Variants in NELL1 observed in about 807,000 individuals in gnomAD.
NELL1 encodes protein kinase C-binding protein NELL1.
A neutral mutation model predicts 107.4 loss-of-function variants in NELL1; 76 were observed. That is an observed-to-expected ratio of 0.71 (90% confidence interval 0.59 to 0.86). The LOEUF is 0.86. Among genes scored for constraint, NELL1 ranks in the 40% least tolerant of loss-of-function variants. The pLI is 0.00. For synonymous variants in NELL1, 353 were observed against 341.2 expected (o/e 1.03, Z -0.38); for missense variants, 1,024 against 1,005.5 (o/e 1.02, Z -0.25).
chr11:21,205,460 G>C (rs1245801340), intron 13 of NELL1, among the ~76,000 whole-genome samples: 1 of 152,180 alleles, frequency 6.6e-6, no homozygotes, highest in Admixed American at 6.5e-5. Flanking sequence ...AATGGCAGAC[G>C]GCATTCCCCC....
chr11:20,700,414 G>T (rs1250795743), intron 2 of NELL1, among the ~76,000 whole-genome samples: 1 of 152,112 alleles, frequency 6.6e-6, no homozygotes, highest in Non-Finnish European at 1.5e-5. Context: ...GGGAAGCAGA[G>T]GTTGCAGTGA....
At chr11:20,958,968 T>G (rs7108916) in intron 11 of NELL1, among the ~76,000 whole-genome samples, 49,591 of 151,856 alleles carry the variant, frequency 0.33, 8,428 homozygotes, top group East Asian at 0.59. Flanking sequence ...AAATTATTTT[T>G]GTTTCCCAAT....
At chr11:21,091,859 G>A (rs1854529237) in intron 12 of NELL1, among the ~76,000 whole-genome samples, 1 of 152,204 alleles carries the variant, frequency 6.6e-6, no homozygotes, top group Admixed American at 6.5e-5. Context: ...ACTGAGAAGG[G>A]ATGGTGATTC....
chr11:20,889,783 C>G (rs1362339315), intron 5 of NELL1, among the ~76,000 whole-genome samples: 1 of 152,148 alleles, frequency 6.6e-6, no homozygotes, highest in East Asian at 1.9e-4. Context: ...AAAGGGGAGC[C>G]CCCTCCCTGC....
chr11:20,801,496 T>C (rs911810607), intron 3 of NELL1, among the ~76,000 whole-genome samples: 4 of 152,232 alleles, frequency 2.6e-5, no homozygotes, highest in African/African-American at 9.6e-5. Flanking sequence ...AGATGGGTAG[T>C]TTGCAAATAT....
intron 12 of NELL1, among the ~76,000 whole-genome samples, chr11:20,989,452 T>C (rs920526441): frequency 6.6e-6 from 1 of 152,210 alleles, no homozygotes; most frequent in Non-Finnish European, 1.5e-5. Context: ...CAGGTCCTTC[T>C]CCCATTCTCT....
chr11:21,122,488 A>G (rs986177525), intron 13 of NELL1, among the ~76,000 whole-genome samples: 1 of 152,108 alleles, frequency 6.6e-6, no homozygotes, highest in Non-Finnish European at 1.5e-5. Flanking sequence ...TATTTAATCT[A>G]TCTGTCTATT....
chr11:21,084,465 C>T lies in NELL1; in HGVS notation c.1301-29124C>T, dbSNP rs570242820. Reference sequence around the variant, plus strand: ...GTATTTTGTCCAATAGATGTTAACTCTTATAGTGATCGCTTGATTTATTGA... The same window carrying T: ...GTATTTTGTCCAATAGATGTTAACTTTTATAGTGATCGCTTGATTTATTGA... On this transcript the variant is annotated intron_variant, in intron 12 of 19. Transcript: ENST00000357134. Among the ~76,000 whole-genome samples the T allele has an allele frequency of 2.6e-5, 4 of 152,220 alleles. No homozygotes were observed. The South Asian group carries it at 8.3e-4, about 32-fold the overall frequency.
rs531335258 is a variant in NELL1 at position 21,130,968 on chromosome 11, C to T, written c.1426+17254C>T. Among the ~76,000 whole-genome samples the T allele has an allele frequency of 7.9e-5, 12 of 152,054 alleles. 1 individual carries two copies. The highest frequency in any genetic ancestry group is 2.0e-4 in the Admixed American group (3 of 15,288). ...GGGCTGTGCAGCTTTTTTCAGAAGA[C>T]GAGATTATCTGAGGATATTTTATGA... On this transcript the variant is annotated intron_variant, in intron 13 of 19. Coordinates refer to ENST00000357134, the MANE Select transcript of NELL1 (RefSeq NM_006157.5).
At chr11:20,692,565 G>A (rs1403314884) in intron 2 of NELL1, among the ~76,000 whole-genome samples, 1 of 150,570 alleles carries the variant, frequency 6.6e-6, no homozygotes. Context: ...TTCAGGAGCA[G>A]GTTGTTCAGT....
intron 12 of NELL1, among the ~76,000 whole-genome samples, chr11:21,075,295 C>T (rs545083589): frequency 9.0e-4 from 137 of 152,294 alleles, no homozygotes; most frequent in African/African-American, 3.3e-3. Flanking sequence ...GACCCTTCTT[C>T]ATACCTCCAT....
chr11:21,127,463 G>A (rs1424875606), intron 13 of NELL1, among the ~76,000 whole-genome samples: 1 of 151,962 alleles, frequency 6.6e-6, no homozygotes, highest in African/African-American at 2.4e-5. Context: ...TTAGCCAGGT[G>A]TAATTAGCCA....
At chr11:21,373,952 C>T (rs1375219750) in intron 15 of NELL1, among the ~76,000 whole-genome samples, 1 of 152,022 alleles carries the variant, frequency 6.6e-6, no homozygotes, top group African/African-American at 2.4e-5. Flanking sequence ...GGTGAATGCT[C>T]TCTTCTCAAC....
intron 15 of NELL1, among the ~76,000 whole-genome samples, chr11:21,453,077 C>T (rs1278158540): frequency 6.6e-6 from 1 of 151,892 alleles, no homozygotes; most frequent in Admixed American, 6.6e-5. Context: ...TTACATGCAC[C>T]TCAAGAAAAT....
chr11:21,350,982 C>A (rs1370946047), intron 14 of NELL1, among the ~76,000 whole-genome samples: 1 of 152,030 alleles, frequency 6.6e-6, no homozygotes, highest in South Asian at 2.1e-4. Context: ...AAGATGGTAT[C>A]ATCTTGGATT....
At chr11:20,672,650 A>G (rs1259322167) in intron 1 of NELL1, among the ~76,000 whole-genome samples, 2 of 152,182 alleles carry the variant, frequency 1.3e-5, no homozygotes. Flanking sequence ...GGCTACAATA[A>G]TAGCAGTAAT....
chr11:21,311,577 A>C (rs563323077), intron 14 of NELL1, among the ~76,000 whole-genome samples: 1 of 152,304 alleles, frequency 6.6e-6, no homozygotes, highest in East Asian at 1.9e-4. Flanking sequence ...AAGTGTGACT[A>C]TTAATGCCTC....
chr11:21,337,491 A>G (rs944355042), intron 14 of NELL1, among the ~76,000 whole-genome samples: 1 of 152,246 alleles, frequency 6.6e-6, no homozygotes, highest in African/African-American at 2.4e-5. Context: ...AGATCACTGC[A>G]ACAACAGAAA....
intron 16 of NELL1, among the ~76,000 whole-genome samples, chr11:21,555,255 A>T (rs1470181047): frequency 2.6e-5 from 4 of 151,920 alleles, no homozygotes; most frequent in Admixed American, 2.6e-4. Flanking sequence ...TATATTCCAG[A>T]AGGGTCACAG....
Sources: gnomAD v4.1 joint callset for allele counts (sites outside exome capture counted in the v4.1 genomes callset) on GRCh38, gnomAD v4.1.1 for gene constraint, MANE v1.5 for transcripts, NCBI Gene and HGNC (gene_info 2026-07-23, HGNC 2026-07-21) for gene names.